Variants in FANCC observed in about 807,000 individuals in gnomAD.
FANCC encodes the protein Fanconi anemia group C protein.
Under a neutral mutation model 71.3 loss-of-function variants are expected in FANCC, and 55 were observed. That is an observed-to-expected ratio of 0.77 (90% CI 0.62 to 0.97). FANCC has a LOEUF of 0.97. FANCC is among the 50% of genes least tolerant of loss of function. The pLI, the probability that FANCC is intolerant of heterozygous loss-of-function variation, is 0.00. For synonymous variants in FANCC, 275 were observed against 244.9 expected (o/e 1.12, Z -1.15); for missense variants, 678 against 670.9 (o/e 1.01, Z -0.12).
chr9:95,127,855 T>C lies in FANCC; in HGVS notation c.844-1274A>G, dbSNP rs115378063. ...GTCAGCACTGCTGGACCCGCCGGGCTCCAGGCAGGAGCTCTGCCACTTTTT... is the reference window on the plus strand; with the variant it reads ...GTCAGCACTGCTGGACCCGCCGGGCCCCAGGCAGGAGCTCTGCCACTTTTT... On this transcript the variant is annotated intron_variant, in intron 8 of 14. Transcript: ENST00000289081. Among the ~76,000 whole-genome samples, 679 of 152,320 alleles carry C rather than the reference T, an allele frequency of 4.5e-3. 8 individuals are homozygous for C. Among genetic ancestry groups the C allele is most frequent in the African/African-American group, 0.015 (635 of 41,564 alleles).
chr9:95,275,941 T>A (rs1172198511), intron 1 of FANCC, among the ~76,000 whole-genome samples: 2 of 151,898 alleles, frequency 1.3e-5, no homozygotes, highest in Admixed American at 1.3e-4. Context: ...AAGGCAAGAG[T>A]GGATCTCAGT....
intron 4 of FANCC, among the ~76,000 whole-genome samples, chr9:95,215,787 T>A (rs1828828947): frequency 6.6e-6 from 1 of 152,192 alleles, no homozygotes; most frequent in Non-Finnish European, 1.5e-5. Context: ...TCAACTAACG[T>A]CAGGAAAACT....
At chr9:95,285,672 T>C (rs1002419123) in intron 1 of FANCC, among the ~76,000 whole-genome samples, 6 of 151,902 alleles carry the variant, frequency 3.9e-5, no homozygotes, top group African/African-American at 1.5e-4. Flanking sequence ...AGATCCTGTC[T>C]TGAAAAAAAA....
chr9:95,302,391 C>T (rs980983479), intron 1 of FANCC, among the ~76,000 whole-genome samples: 1 of 152,196 alleles, frequency 6.6e-6, no homozygotes, highest in African/African-American at 2.4e-5. Flanking sequence ...GCCAACCTCG[C>T]TTCTCTTTGG....
chr9:95,177,001 TA>T (rs1197600840), intron 4 of FANCC, among the ~76,000 whole-genome samples: 4 of 152,230 alleles, frequency 2.6e-5, no homozygotes, highest in African/African-American at 9.6e-5. Context: ...AGATTGTAAA[TA>T]ATTCTTAAGT....
intron 6 of FANCC, among the ~76,000 whole-genome samples, chr9:95,152,125 A>G (rs1434913019): frequency 6.6e-6 from 1 of 152,106 alleles, no homozygotes; most frequent in Non-Finnish European, 1.5e-5. Context: ...ATTGTTACCC[A>G]CTTGTATTTC....
At chr9:95,285,558 A>C (rs117205170) in intron 1 of FANCC, among the ~76,000 whole-genome samples, 2,751 of 152,274 alleles carry the variant, frequency 0.018, 37 homozygotes, top group Non-Finnish European at 0.028. Context: ...TTTGACTATA[A>C]AATCAGTGAT....
chr9:95,311,587 A>G (rs1261438408), intron 1 of FANCC, among the ~76,000 whole-genome samples: 4 of 152,096 alleles, frequency 2.6e-5, no homozygotes, highest in African/African-American at 9.7e-5. Flanking sequence ...AGGGTCTCAC[A>G]ATTTTGCCCA....
chr9:95,240,115 T>C (rs1473475507), intron 4 of FANCC, among the ~76,000 whole-genome samples: 1 of 152,098 alleles, frequency 6.6e-6, no homozygotes, highest in Non-Finnish European at 1.5e-5. Flanking sequence ...ACTAGCACAG[T>C]AGGTAGCCAA....
chr9:95,137,635 A>T (rs145043732), intron 7 of FANCC, among the ~76,000 whole-genome samples: 13 of 152,268 alleles, frequency 8.5e-5, no homozygotes, highest in African/African-American at 3.1e-4. Context: ...GGAGTGTCTG[A>T]GGCACAACCA....
intron 1 of FANCC, among the ~76,000 whole-genome samples, chr9:95,311,827 T>TA (rs1835425575): frequency 6.6e-6 from 1 of 152,026 alleles, no homozygotes; most frequent in Admixed American, 6.5e-5. Context: ...TAAATGTATA[T>TA]AAAATGTTTA....
At chr9:95,293,917 G>C in intron 1 of FANCC, 1 of 1,594,156 alleles carries the variant, frequency 6.3e-7, no homozygotes, top group Non-Finnish European at 8.6e-7. Flanking sequence ...ATCATATAAT[G>C]TTGCTACAAG....
chr9:95,134,856 G>A (rs967014472), intron 8 of FANCC, among the ~76,000 whole-genome samples: 15 of 152,258 alleles, frequency 9.9e-5, no homozygotes, highest in African/African-American at 3.4e-4. Context: ...AGGGGAGGGT[G>A]AAGGCAGGTG....
At chr9:95,249,063 T>C (rs1412821785) in intron 2 of FANCC, 64 bp downstream of exon 2, 8 of 1,568,254 alleles carry the variant, frequency 5.1e-6, no homozygotes, top group Non-Finnish European at 6.1e-6. Flanking sequence ...CATTCTGTCT[T>C]GGTGAAATCT....
Position 95,247,423 on chromosome 9 carries a change from G to C in FANCC, c.250+9C>G. The C allele has an allele frequency of 6.2e-7, 1 of 1,603,524 alleles. No individual in the cohort carries two copies. The highest frequency in any genetic ancestry group is 8.5e-7 in the Non-Finnish European group (1 of 1,170,782). ...AGCCATTTTGAGAGGACACGTTTTT[G>C]ATTCTTACCATATGCTAAAATAAAA... On this transcript the variant is annotated intron_variant, in intron 3 of 14. Transcript: ENST00000289081.
At chr9:95,277,092 AT>A (rs1833085608) in intron 1 of FANCC, among the ~76,000 whole-genome samples, 1 of 152,226 alleles carries the variant, frequency 6.6e-6, no homozygotes, top group African/African-American at 2.4e-5. Flanking sequence ...TTGAACAGTT[AT>A]TAGCCAAAGA....
At chr9:95,152,575 A>G (rs1830239482) in intron 6 of FANCC, among the ~76,000 whole-genome samples, 1 of 152,170 alleles carries the variant, frequency 6.6e-6, no homozygotes, top group South Asian at 2.1e-4. Flanking sequence ...TTTTTGTAAA[A>G]ATTTAGTTTT....
chr9:95,292,528 C>CGG (rs1834102225), intron 1 of FANCC: 1 of 1,482,882 alleles, frequency 6.7e-7, no homozygotes, highest in Admixed American at 2.1e-5. Flanking sequence ...TCCGTGCTGG[C>CGG]GGGGGAGCTG....
chr9:95,180,530 G>C (rs1826281022), intron 4 of FANCC, among the ~76,000 whole-genome samples: 1 of 151,524 alleles, frequency 6.6e-6, no homozygotes, highest in Non-Finnish European at 1.5e-5. Context: ...TGTAGAGGTA[G>C]GTCTCAGTAT....
Sources: gnomAD v4.1 joint callset for allele counts (sites outside exome capture counted in the v4.1 genomes callset) on GRCh38, gnomAD v4.1.1 for gene constraint, MANE v1.5 for transcripts, NCBI Gene and HGNC (gene_info 2026-07-23, HGNC 2026-07-21) for gene names.